The following ZBTB37 variants were observed in gnomAD, a reference collection of about 807,000 sequenced individuals.
ZBTB37 encodes the protein zinc finger and BTB domain containing 37, also known as zinc finger and BTB domain-containing protein 37.
ZBTB37 carries 15 observed loss-of-function variants against 37.7 expected under a neutral mutation model. The observed-to-expected ratio is 0.40, with a 90% CI of 0.27 to 0.61. The LOEUF is 0.61. Ranked by LOEUF, ZBTB37 falls within the 20% of genes least tolerant of loss-of-function variation. ZBTB37 has a pLI of 0.44. For missense variants in ZBTB37, 514 were observed against 641.9 expected (o/e 0.80, Z 2.15); for synonymous variants, 231 against 220.6 (o/e 1.05, Z -0.42).
chr1:173,892,808 G>T lies in ZBTB37; in HGVS notation c.*6684G>T, dbSNP rs193041059. On this transcript the variant is annotated 3_prime_UTR_variant, in exon 4 of 4. Coordinates refer to the ZBTB37 transcript ENST00000367701. Reference sequence around the variant, plus strand: ...GGAAATAAATTACAAAAGCAAAGCAGTTAATGAAAAAAACTTGTCTATTGC... The same window carrying T: ...GGAAATAAATTACAAAAGCAAAGCATTTAATGAAAAAAACTTGTCTATTGC... The T allele has an allele frequency of 4.6e-5, 7 of 152,308 alleles. No homozygotes were observed. The East Asian group carries it at 1.3e-3, about 29-fold the overall frequency. 9.4% of individuals were successfully genotyped at this position (152,308 alleles called of 1,614,324 possible). A position where few individuals can be genotyped will look rare whatever the true frequency, so the allele number is the denominator to read the frequency against.
exon 4 of ZBTB37, chr1:173,897,334 T>G (rs556139245): frequency 6.6e-6 from 1 of 152,262 alleles, no homozygotes; most frequent in African/African-American, 2.4e-5. Flanking sequence ...TCTTGCACTT[T>G]CTATTTGTAA....
In ZBTB37 at chr1:173,898,814, A is replaced by C. The variant is rs1185018247; in HGVS notation, c.*12690A>C. 3 of 152,180 alleles carry C rather than the reference A, an allele frequency of 2.0e-5. No individual in the cohort carries two copies. In the East Asian group the frequency reaches 5.8e-4, roughly 29 times the overall value. 9.4% of individuals were successfully genotyped at this position (152,180 alleles called of 1,614,324 possible). A position where few individuals can be genotyped will look rare whatever the true frequency, so the allele number is the denominator to read the frequency against. On this transcript the variant is annotated 3_prime_UTR_variant, in exon 4 of 4. Coordinates refer to the ZBTB37 transcript ENST00000367701. ...CTTGTCCACTTTTCTAATATTTCTT[A>C]CAGCTAAGGAGGAACTGTTGGTCCT... is the stretch of plus-strand genomic sequence containing the variant.
At chr1:173,885,755 T>C in exon 5 of ZBTB37, 1 of 1,551,648 alleles carries the variant, frequency 6.4e-7, no homozygotes, top group Non-Finnish European at 8.7e-7. Context: ...GCGCCAAATC[T>C]TTCAACCAGA....
chr1:173,880,093 A>C (rs1325228470), intron 4 of ZBTB37, among the ~76,000 whole-genome samples: 2 of 152,238 alleles, frequency 1.3e-5, no homozygotes, highest in Non-Finnish European at 2.9e-5. Context: ...AAACAGGAAC[A>C]CAGGATCAGG....
chr1:173,876,170 A>G (rs2102730774), intron 4 of ZBTB37, among the ~76,000 whole-genome samples: 1 of 151,930 alleles, frequency 6.6e-6, no homozygotes, highest in African/African-American at 2.4e-5. Context: ...TTTAAAGCTC[A>G]TGAACTCACC....
chr1:173,894,924 A>G (rs1273550014), exon 4 of ZBTB37: 1 of 152,106 alleles, frequency 6.6e-6, no homozygotes, highest in Non-Finnish European at 1.5e-5. Flanking sequence ...AATGAGACAA[A>G]TATCTGGAGC....
exon 4 of ZBTB37, chr1:173,903,283 G>A (rs1001658578): frequency 1.3e-5 from 2 of 153,404 alleles, no homozygotes; most frequent in African/African-American, 2.4e-5. Context: ...GCAGAGACTC[G>A]GGTTGGGGGA....
At chr1:173,868,146 T>A, upstream of ZBTB37, 1 of 156,074 alleles carries the variant, frequency 6.4e-6, no homozygotes, top group Admixed American at 6.5e-5. Flanking sequence ...CCGCCCCTTT[T>A]CCCCGCCCTT....
chr1:173,886,160 A>T (rs1322775), exon 5 of ZBTB37: 560,690 of 1,525,752 alleles, frequency 0.37, 112,377 homozygotes, highest in African/African-American at 0.78. Flanking sequence ...CTCTTCCCCT[A>T]TGAGCCATAA....
exon 3 of ZBTB37, chr1:173,871,029 A>G: frequency 1.2e-6 from 2 of 1,614,244 alleles, no homozygotes; most frequent in Non-Finnish European, 1.7e-6. Flanking sequence ...GGAGTAGTGC[A>G]GAGGAAGTAA....
chr1:173,873,587 A>C (rs1655712050), intron 4 of ZBTB37, 21 bp downstream of exon 4: 2 of 1,613,792 alleles, frequency 1.2e-6, no homozygotes, highest in Non-Finnish European at 8.5e-7. Context: ...GTGGATTTAG[A>C]ACTGCTTTGG....
At chr1:173,868,143 T>C, upstream of ZBTB37, 1 of 156,008 alleles carries the variant, frequency 6.4e-6, no homozygotes, top group Non-Finnish European at 1.4e-5. Flanking sequence ...AGTCCGCCCC[T>C]TTTCCCCGCC....
chr1:173,868,596 C>T (rs1368256098), intron 1 of ZBTB37, among the ~76,000 whole-genome samples, 191 bp downstream of exon 1: 1 of 152,216 alleles, frequency 6.6e-6, no homozygotes, highest in Admixed American at 6.5e-5. Context: ...CCGGACCCGC[C>T]CCCTCGCGGG....
downstream of ZBTB37, chr1:173,887,636 G>A (rs569854518): frequency 2.6e-5 from 4 of 152,274 alleles, no homozygotes; most frequent in Admixed American, 6.5e-5. Flanking sequence ...AAGGGATGCC[G>A]GCAAATAGAT....
At chr1:173,883,909 A>G (rs1274346138) in intron 4 of ZBTB37, among the ~76,000 whole-genome samples, 4 of 152,102 alleles carry the variant, frequency 2.6e-5, no homozygotes, top group African/African-American at 7.2e-5. Flanking sequence ...GCACAATATT[A>G]ATTGCTAACT....
At chr1:173,877,257 G>T (rs1266148825) in intron 4 of ZBTB37, among the ~76,000 whole-genome samples, 1 of 151,544 alleles carries the variant, frequency 6.6e-6, no homozygotes, top group East Asian at 1.9e-4. Flanking sequence ...CAAAAAAACT[G>T]TAAGACTCTA....
chr1:173,868,579 T>C (rs1292840013), intron 1 of ZBTB37, among the ~76,000 whole-genome samples, 174 bp downstream of exon 1: 1 of 152,154 alleles, frequency 6.6e-6, no homozygotes, highest in Non-Finnish European at 1.5e-5. Flanking sequence ...CCGGCCGGGC[T>C]GATCTGCCGG....
exon 4 of ZBTB37, chr1:173,898,284 A>C (rs1657128412): frequency 6.6e-6 from 1 of 151,422 alleles, no homozygotes; most frequent in Non-Finnish European, 1.5e-5. Flanking sequence ...AACATTGTGA[A>C]ACCCCGTCTC....
chr1:173,902,263 G>C (rs1657290362), exon 4 of ZBTB37: 1 of 152,146 alleles, frequency 6.6e-6, no homozygotes, highest in Non-Finnish European at 1.5e-5. Context: ...AGTTTCTAAA[G>C]GCTACCATAA....
Sources: allele counts gnomAD v4.1 joint callset (sites outside exome capture counted in the v4.1 genomes callset), GRCh38; gene constraint gnomAD v4.1.1; transcripts MANE v1.5; gene names NCBI Gene and HGNC (gene_info 2026-07-23, HGNC 2026-07-21).